The following DCC variants were observed in gnomAD, a reference collection of about 807,000 sequenced individuals.
DCC encodes DCC netrin 1 receptor.
DCC carries 58 observed loss-of-function variants against 172.5 expected under a neutral mutation model. The observed-to-expected ratio is 0.34, with a 90% confidence interval of 0.27 to 0.42. The LOEUF (loss-of-function observed/expected upper bound fraction) is 0.42. Ranked by LOEUF, DCC falls within the 10% of genes least tolerant of loss-of-function variation. The pLI is 1.00. For synonymous variants in DCC, 709 were observed against 644.5 expected, an observed-to-expected ratio of 1.10 and a Z score of -1.52; for missense variants, 1,740 against 1,791.0, an observed-to-expected ratio of 0.97 and a Z score of 0.51.
intron 1 of DCC, among the ~76,000 whole-genome samples, chr18:52,594,421 G>C (rs1017385429): frequency 5.3e-5 from 8 of 152,144 alleles, no homozygotes; most frequent in African/African-American, 1.9e-4. Context: ...TCATGTCTGG[G>C]TGTATATTAG....
chr18:52,791,050 T>C (rs2037756490), intron 2 of DCC, among the ~76,000 whole-genome samples: 1 of 152,084 alleles, frequency 6.6e-6, no homozygotes. Context: ...ATGGTGGAGA[T>C]GGAGGAGCTG....
chr18:53,499,544 T>C (rs768411101), intron 27 of DCC, 34 bp downstream of exon 27: 2 of 1,545,718 alleles, frequency 1.3e-6, no homozygotes, highest in East Asian at 2.2e-5. Context: ...TTAAAATTCT[T>C]ATTATTATTG....
chr18:53,095,360 A>G (rs1411284308), intron 7 of DCC, among the ~76,000 whole-genome samples: 2 of 152,194 alleles, frequency 1.3e-5, no homozygotes, highest in Non-Finnish European at 1.5e-5. Context: ...TGTCTTTGCT[A>G]ATAGATTTGA....
At chr18:53,269,719 G>A (rs955368954) in intron 12 of DCC, among the ~76,000 whole-genome samples, 1 of 152,022 alleles carries the variant, frequency 6.6e-6, no homozygotes, top group Non-Finnish European at 1.5e-5. Context: ...AGGAAACTGA[G>A]GCAAAGAAAT....
chr18:52,371,136 G>A (rs1985104131), intron 1 of DCC, among the ~76,000 whole-genome samples: 1 of 138,420 alleles, frequency 7.2e-6, no homozygotes, highest in African/African-American at 2.9e-5. Flanking sequence ...AATGTTGAAA[G>A]GACCATCTTT....
intron 3 of DCC, among the ~76,000 whole-genome samples, chr18:52,918,986 A>T (rs937451931): frequency 6.6e-6 from 1 of 152,200 alleles, no homozygotes; most frequent in African/African-American, 2.4e-5. Flanking sequence ...TTATATGAAC[A>T]GTTTCTCTGC....
At chr18:52,878,723 T>G (rs1221428753) in intron 2 of DCC, among the ~76,000 whole-genome samples, 1 of 152,198 alleles carries the variant, frequency 6.6e-6, no homozygotes, top group Non-Finnish European at 1.5e-5. Flanking sequence ...ACGGGTCACT[T>G]GTGTCTCTTT....
At chr18:53,487,529 C>CTTTTTTTTTT (rs34404262) in intron 26 of DCC, among the ~76,000 whole-genome samples, 1 of 120,220 alleles carries the variant, frequency 8.3e-6, no homozygotes, top group Non-Finnish European at 1.7e-5. Context: ...CCATTTGACT[C>CTTTTTTTTTT]TTTTTTTTTT....
At chr18:53,128,874 T>C (rs149923444) in intron 7 of DCC, among the ~76,000 whole-genome samples, 5,186 of 24,284 alleles carry the variant, frequency 0.21, 130 homozygotes, top group African/African-American at 0.28. Context: ...CACACACATA[T>C]ATATATATAT....
intron 2 of DCC, among the ~76,000 whole-genome samples, chr18:52,771,574 C>T (rs2037344176): frequency 6.6e-6 from 1 of 152,160 alleles, no homozygotes. Context: ...GCATTACACT[C>T]ACTAATATAA....
chr18:53,316,673 C>T (rs1330374346), intron 13 of DCC, among the ~76,000 whole-genome samples: 5 of 152,160 alleles, frequency 3.3e-5, no homozygotes, highest in African/African-American at 7.2e-5. Flanking sequence ...ACACCCTTCA[C>T]ATCCCTTGTA....
chr18:53,381,688 G>A (rs1199902296), intron 15 of DCC, among the ~76,000 whole-genome samples: 1 of 151,106 alleles, frequency 6.6e-6, no homozygotes, highest in Non-Finnish European at 1.5e-5. Context: ...ATGTATATTG[G>A]CATGTAGTTG....
intron 7 of DCC, among the ~76,000 whole-genome samples, chr18:53,134,435 A>G (rs1047229636): frequency 3.3e-5 from 5 of 152,166 alleles, no homozygotes; most frequent in African/African-American, 1.2e-4. Context: ...ATATATAAGC[A>G]TATATAAATA....
intron 1 of DCC, among the ~76,000 whole-genome samples, chr18:52,715,419 C>A (rs1273030330): frequency 6.6e-6 from 1 of 151,816 alleles, no homozygotes; most frequent in African/African-American, 2.4e-5. Flanking sequence ...TGTGCCTCAG[C>A]CTCTTGAGTA....
At chr18:52,944,849 A>G (rs149311069) in intron 5 of DCC, among the ~76,000 whole-genome samples, 2 of 152,358 alleles carry the variant, frequency 1.3e-5, no homozygotes, top group South Asian at 2.1e-4. Flanking sequence ...CTGTTTTATT[A>G]CATCATAAGT....
chr18:53,136,504 C>T (rs748440030), intron 7 of DCC, among the ~76,000 whole-genome samples: 1 of 151,806 alleles, frequency 6.6e-6, no homozygotes, highest in African/African-American at 2.4e-5. Flanking sequence ...GGGAAAGAAG[C>T]CAGATACACC....
intron 3 of DCC, among the ~76,000 whole-genome samples, chr18:52,914,346 C>T (rs984081914): frequency 6.6e-6 from 1 of 152,070 alleles, no homozygotes; most frequent in African/African-American, 2.4e-5. Context: ...TTTCTTCCGC[C>T]AGACTCTAAC....
intron 5 of DCC, among the ~76,000 whole-genome samples, chr18:53,011,183 T>C (rs1019024308): frequency 6.6e-6 from 1 of 151,676 alleles, no homozygotes. Flanking sequence ...GGTTGTAAGA[T>C]ATTTTGATAA....
chr18:52,718,673 G>T lies in DCC; in HGVS notation c.92-33381G>T, dbSNP rs567779192. Among the ~76,000 whole-genome samples the T allele has an allele frequency of 3.3e-5, 5 of 152,282 alleles. No homozygotes were observed. The South Asian group carries it at 1.0e-3, about 32-fold the overall frequency. On this transcript the variant is annotated intron_variant, in intron 1 of 28. Transcript: ENST00000442544. ...AATCTAGAAGGGATGCTCTGCAGAGGCTGCTTATATCGCAGAGACGTTGAA... is the reference window on the plus strand; with the variant it reads ...AATCTAGAAGGGATGCTCTGCAGAGTCTGCTTATATCGCAGAGACGTTGAA...
Sources: allele counts gnomAD v4.1 joint callset (sites outside exome capture counted in the v4.1 genomes callset), GRCh38; gene constraint gnomAD v4.1.1; transcripts MANE v1.5; gene names NCBI Gene and HGNC (gene_info 2026-07-23, HGNC 2026-07-21).